The following SMARCA4 variants were observed in gnomAD, a reference collection of about 807,000 sequenced individuals.
SMARCA4 encodes the protein SWI/SNF related BAF chromatin remodeling complex subunit ATPase 4, also known as SWI/SNF-related matrix-associated actin-dependent regulator of chromatin subfamily A member 4.
A neutral mutation model predicts 193.9 loss-of-function variants in SMARCA4; 31 were observed. The observed-to-expected ratio is 0.16, with a 90% CI of 0.12 to 0.22. The LOEUF (loss-of-function observed/expected upper bound fraction) is 0.22, where lower values mean the gene tolerates loss of function less well. SMARCA4 is among the 10% of genes least tolerant of loss of function. SMARCA4 has a pLI of 1.00. For synonymous variants in SMARCA4, 942 were observed against 933.1 expected (o/e 1.01, Z -0.17); for missense variants, 1,148 against 2,296.0 (o/e 0.50, Z 10.22).
In SMARCA4 at chr19:10,988,220, A is replaced by T. The variant is rs1318985080; in HGVS notation, c.1118+296A>T. ...ACTGCAACCTGCATCTCCTGGCTTC[A>T]AGCGATTCTTCTGCCTCAGCCTCCT... is the stretch of plus-strand genomic sequence containing the variant. On this transcript the variant is annotated intron_variant, in intron 6 of 34. Coordinates refer to ENST00000344626, the MANE Select transcript of SMARCA4 (RefSeq NM_003072.5). Among the ~76,000 whole-genome samples, 22 of 151,786 alleles carry T rather than the reference A, an allele frequency of 1.4e-4. 1 individual carries two copies. Among genetic ancestry groups the T allele is most frequent in the Admixed American group, 1.2e-3 (18 of 15,222 alleles).
chr19:10,981,271 T>C (rs1454299009), intron 1 of SMARCA4, among the ~76,000 whole-genome samples: 1 of 152,246 alleles, frequency 6.6e-6, no homozygotes, highest in African/African-American at 2.4e-5. Context: ...CGTGCCCACG[T>C]TGCTGGGCTT....
At chr19:11,040,009 A>T (rs901994566) in intron 29 of SMARCA4, 2 of 152,488 alleles carry the variant, frequency 1.3e-5, no homozygotes, top group Admixed American at 1.3e-4. Context: ...TGAACCAGGA[A>T]GGTGGAGGTT....
At chr19:11,046,403 C>T (rs575261994) in intron 30 of SMARCA4, among the ~76,000 whole-genome samples, 1 of 152,246 alleles carries the variant, frequency 6.6e-6, no homozygotes, top group South Asian at 2.1e-4. Context: ...TGGGAGGATG[C>T]CTCAGTGGGG....
At position 11,061,850 on chromosome 19, in the gene SMARCA4, C is replaced by T. The variant is rs780956095; in HGVS notation, c.*34C>T. 6.8e-6 allele frequency: 11 copies of T among 1,608,688 alleles called. No homozygotes were observed. Among genetic ancestry groups the T allele is most frequent in the East Asian group, 4.5e-5 (2 of 44,866 alleles). ...ATTCCAGTCTCGACCCCGAGCCCCT[C>T]GTTCCAGAGCTGAGATGGCATAGGC... On this transcript the variant is annotated 3_prime_UTR_variant, in exon 35 of 35. Transcript: ENST00000344626.
chr19:10,974,957 G>A (rs930148318), intron 1 of SMARCA4, among the ~76,000 whole-genome samples: 14 of 148,276 alleles, frequency 9.4e-5, no homozygotes, highest in Non-Finnish European at 1.6e-4. Context: ...CTCAGCTTCC[G>A]ACAGTGCTGG....
At position 11,061,935 on chromosome 19, in the gene SMARCA4, A is replaced by G. The variant is rs2076922035; in HGVS notation, c.*119A>G. 1.0e-6 allele frequency: 1 copy of G among 962,024 alleles called. No individual in the cohort carries two copies. Among genetic ancestry groups the G allele is most frequent in the Non-Finnish European group, 1.7e-6 (1 of 595,486 alleles). The allele number at this position is 962,024 out of a possible 1,614,324, so 59.6% of individuals were successfully genotyped here. On this transcript the variant is annotated 3_prime_UTR_variant, in exon 35 of 35. Transcript: ENST00000344626. ...AGACTTGGAGTAAAACTGTATAAAC[A>G]AAAGAATCTTCCATATTTATACAGC...
intron 30 of SMARCA4, among the ~76,000 whole-genome samples, chr19:11,046,313 A>G (rs1203646920): frequency 1.3e-5 from 2 of 152,108 alleles, no homozygotes; most frequent in Admixed American, 1.3e-4. Flanking sequence ...TGATTCTGGT[A>G]GAGATTTTGA....
chr19:10,996,088 G>A, intron 9 of SMARCA4, 125 bp from the exon 10 acceptor site: 1 of 920,646 alleles, frequency 1.1e-6, no homozygotes, highest in Non-Finnish European at 1.8e-6. Context: ...CGTGTGAAGG[G>A]CTGGTGGCAC....
At chr19:10,993,318 T>C (rs2086720394) in intron 8 of SMARCA4, among the ~76,000 whole-genome samples, 2 of 152,340 alleles carry the variant, frequency 1.3e-5, no homozygotes, top group South Asian at 4.1e-4. Context: ...CATGGAAACA[T>C]GACTTTTGAT....
chr19:11,047,293 C>T (rs374103266), intron 30 of SMARCA4, among the ~76,000 whole-genome samples: 4 of 152,128 alleles, frequency 2.6e-5, no homozygotes, highest in South Asian at 2.1e-4. Flanking sequence ...GTGATCTGGA[C>T]GGTTCCAGAC....
intron 13 of SMARCA4, among the ~76,000 whole-genome samples, chr19:11,004,811 GT>G (rs146541347): frequency 3.3e-5 from 5 of 149,294 alleles, no homozygotes; most frequent in Admixed American, 1.3e-4. Context: ...TGTGTTCAAT[GT>G]TTTTTTTCCC....
At position 10,986,670 on chromosome 19, in the gene SMARCA4, G is replaced by C. The variant is rs2145789804; in HGVS notation, c.760+77G>C. The C allele has an allele frequency of 6.5e-7, 1 of 1,530,748 alleles. No homozygotes were observed. 94.8% of individuals were successfully genotyped at this position (1,530,748 alleles called of 1,614,324 possible). ...GTGGGTGGCGGGGTGGACAGACCGTGCTCTGTTGCCGACTGGGTTCCCCGG... is the reference window on the plus strand; with the variant it reads ...GTGGGTGGCGGGGTGGACAGACCGTCCTCTGTTGCCGACTGGGTTCCCCGG... On this transcript the variant is annotated intron_variant, in intron 4 of 34. Coordinates refer to ENST00000344626, the MANE Select transcript of SMARCA4 (RefSeq NM_003072.5). The surrounding 1 kb of genome is among the most constrained non-coding windows in gnomAD (Gnocchi z 6.7).
At chr19:10,980,774 C>T (rs1280534483) in intron 1 of SMARCA4, 1 of 152,224 alleles carries the variant, frequency 6.6e-6, no homozygotes, top group African/African-American at 2.4e-5. Context: ...TCCTCTGAGA[C>T]AGCGTCTCGC....
chr19:11,044,009 C>T (rs892284016), intron 30 of SMARCA4, among the ~76,000 whole-genome samples: 3 of 152,016 alleles, frequency 2.0e-5, no homozygotes, highest in Non-Finnish European at 2.9e-5. Flanking sequence ...AAAGGGAATT[C>T]GCAGAAATCT....
rs747742900 is a variant in SMARCA4, at chr19:10,986,206, G to A, written c.373G>A (p.Gly125Ser). ...QHSQGYPSPL[G>S]GSEHASSPVP... ...CTCTGCAGGTTACCCCTCGCCCCTG[G>A]GTGGCTCTGAGCATGCCTCTAGTCC... The change falls in exon 4 of 35, where the codon GGT becomes AGT. Residue 125 changes from glycine (G) to serine (S), a missense_variant. By Grantham distance (56) the Gly-to-Ser change is moderately conservative. Around this residue, in one of 17 missense-constraint regions of SMARCA4, gnomAD observed 201 missense variants for 248.3 expected, o/e 0.81. Transcript: ENST00000344626. This position sits in a 1 kb window ranked among gnomAD's most constrained non-coding sequence, Gnocchi z 6.7. The A allele has an allele frequency of 2.5e-6, 4 of 1,613,892 alleles. No homozygotes were observed. In the South Asian group the frequency reaches 4.4e-5, roughly 18 times the overall value.
Position 10,984,203 on chromosome 19 carries a change from C to T in SMARCA4, c.52C>T (p.Pro18Ser), listed in dbSNP as rs2085806713. ...LGGTPRPGPS[P>S]GPGPSPGAML... ...CGGAACTCCTCGGCCAGGTCCTTCCCCGGGCCCTGGCCCTTCCCCTGGAGC... is the reference window on the plus strand; with the variant it reads ...CGGAACTCCTCGGCCAGGTCCTTCCTCGGGCCCTGGCCCTTCCCCTGGAGC... The change falls in exon 2 of 35, where the codon CCG becomes TCG. Residue 18 changes from proline (P) to serine (S), a missense_variant. Pro to Ser is a moderately conservative substitution (Grantham distance 74). Around this residue, in one of 17 missense-constraint regions of SMARCA4, gnomAD observed 201 missense variants for 248.3 expected, o/e 0.81. Transcript: ENST00000344626. This position sits in a 1 kb window ranked among gnomAD's most constrained non-coding sequence, Gnocchi z 4.3. 6.2e-7 allele frequency: 1 copy of T among 1,612,572 alleles called. No individual in the cohort carries two copies. The highest frequency in any genetic ancestry group is 1.1e-5 in the South Asian group (1 of 91,078).
chr19:11,051,949 G>A (rs1305858136), intron 30 of SMARCA4, among the ~76,000 whole-genome samples: 3 of 152,102 alleles, frequency 2.0e-5, no homozygotes, highest in Non-Finnish European at 2.9e-5. Context: ...ACAAAAATTA[G>A]CCGAGCGTAG....
At chr19:11,025,800 C>T (rs1453971665) in intron 22 of SMARCA4, among the ~76,000 whole-genome samples, 4 of 152,192 alleles carry the variant, frequency 2.6e-5, no homozygotes, top group Non-Finnish European at 5.9e-5. Context: ...GGTCCTGCTG[C>T]GTCTCTTTGG....
rs919313966 is a variant in SMARCA4 at position 11,030,638 on chromosome 19, C to G, written c.3383-92C>G. 2.9e-5 allele frequency: 35 copies of G among 1,215,366 alleles called. No individual in the cohort carries two copies. In the Admixed American group the frequency reaches 3.9e-4, roughly 14 times the overall value. 75.3% of individuals were successfully genotyped at this position (1,215,366 alleles called of 1,614,324 possible). On this transcript the variant is annotated intron_variant, in intron 24 of 34. Transcript: ENST00000344626. This position sits in a 1 kb window ranked among gnomAD's most constrained non-coding sequence, Gnocchi z 5.5. Reference sequence around the variant, plus strand: ...CTGGGGATGCTGGCAGGTGCTGATCCTGCTCCTGCTCTCAGAAGCAGGTGT... The same window carrying G: ...CTGGGGATGCTGGCAGGTGCTGATCGTGCTCCTGCTCTCAGAAGCAGGTGT...
Sources: gnomAD v4.1 joint callset for allele counts (sites outside exome capture counted in the v4.1 genomes callset) on GRCh38, gnomAD v4.1.1 for gene constraint, gnomAD v4.1.1 regional missense constraint, Gnocchi (gnomAD v3.1) non-coding constraint, MANE v1.5 for transcripts, NCBI Gene and HGNC (gene_info 2026-07-23, HGNC 2026-07-21) for gene names.